CYP2C18: variants seen among roughly 807,000 people sequenced by gnomAD.
CYP2C18 encodes cytochrome P450 2C18.
CYP2C18 carries 38 observed loss-of-function variants against 41.3 expected under a neutral mutation model. The observed-to-expected ratio is 0.92, with a 90% CI of 0.71 to 1.21. CYP2C18 has a LOEUF of 1.21. CYP2C18 is among the 50% of genes most tolerant of loss of function. The pLI is 0.00. For missense variants in CYP2C18, 635 were observed against 591.4 expected (o/e 1.07, Z -0.77); for synonymous variants, 236 against 210.0 (o/e 1.12, Z -1.07).
At chr10:94,688,088 G>T in intron 2 of CYP2C18, 37 bp from the exon 3 acceptor site, 2 of 1,612,838 alleles carry the variant, frequency 1.2e-6, no homozygotes, top group South Asian at 1.1e-5. Flanking sequence ...TCCTTGTTTG[G>T]ATTCTCCCTC....
At chr10:94,721,997 A>T (rs998441736) in intron 6 of CYP2C18, among the ~76,000 whole-genome samples, 1 of 152,148 alleles carries the variant, frequency 6.6e-6, no homozygotes, top group African/African-American at 2.4e-5. Flanking sequence ...CGATAAAATG[A>T]TTTCTTTTAT....
At chr10:94,714,478 A>G (rs185395619) in intron 5 of CYP2C18, among the ~76,000 whole-genome samples, 191 of 152,350 alleles carry the variant, frequency 1.3e-3, no homozygotes, top group Non-Finnish European at 2.1e-3. Flanking sequence ...GTCAAAGATC[A>G]GATGGTTGTA....
intron 7 of CYP2C18, among the ~76,000 whole-genome samples, chr10:94,727,053 A>G (rs1847754262): frequency 6.6e-6 from 1 of 152,098 alleles, no homozygotes; most frequent in Non-Finnish European, 1.5e-5. Context: ...TGAATTTAAA[A>G]TTTTATTTAC....
At chr10:94,696,505 G>A (rs1847119123) in intron 4 of CYP2C18, among the ~76,000 whole-genome samples, 1 of 152,006 alleles carries the variant, frequency 6.6e-6, no homozygotes, top group Admixed American at 6.6e-5. Flanking sequence ...AAGACCAAAG[G>A]TAGATAAAAC....
intron 3 of CYP2C18, among the ~76,000 whole-genome samples, chr10:94,693,713 G>A (rs764967967): frequency 2.0e-5 from 3 of 152,106 alleles, no homozygotes; most frequent in Admixed American, 6.6e-5. Context: ...AAGAAGCCTG[G>A]CATAGGAGCA....
intron 4 of CYP2C18, among the ~76,000 whole-genome samples, chr10:94,705,123 C>T (rs1847318156): frequency 6.6e-6 from 1 of 152,016 alleles, no homozygotes; most frequent in Admixed American, 6.6e-5. Context: ...GGAGGTGGTA[C>T]AAGTGCAAAT....
At chr10:94,713,889 G>A (rs907968261) in intron 5 of CYP2C18, among the ~76,000 whole-genome samples, 12 of 152,168 alleles carry the variant, frequency 7.9e-5, no homozygotes, top group African/African-American at 2.4e-4. Context: ...GTGTGAGATG[G>A]TATCTCATTG....
chr10:94,721,473 T>C (rs537522085), intron 6 of CYP2C18, among the ~76,000 whole-genome samples: 1 of 152,266 alleles, frequency 6.6e-6, no homozygotes, highest in East Asian at 1.9e-4. Context: ...ATTTCTATTT[T>C]TATAGACTTA....
chr10:94,712,728 G>A (rs1393765750), intron 5 of CYP2C18, among the ~76,000 whole-genome samples: 1 of 152,120 alleles, frequency 6.6e-6, no homozygotes, highest in Non-Finnish European at 1.5e-5. Context: ...ACTGGATCAT[G>A]TTGTAATTCT....
chr10:94,687,870 A>G lies in CYP2C18; in HGVS notation c.269A>G (p.His90Arg). The change falls in exon 2 of 9, where the codon CAT (histidine) becomes CGT (arginine). Residue 90 changes from histidine to arginine, a missense_variant. His to Arg is a conservative substitution (Grantham distance 29). Coordinates refer to ENST00000285979, the MANE Select transcript of CYP2C18 (RefSeq NM_000772.3). ...GCAGTGAAGGAGGCCCTGATTGATC[A>G]TGGAGAGGAGTTTTCTGGAAGAGGA... ...YEAVKEALID[H>R]GEEFSGRGSF... 2 of 1,613,854 alleles carry G rather than the reference A, an allele frequency of 1.2e-6. No individual in the cohort carries two copies. Among genetic ancestry groups the G allele is most frequent in the Non-Finnish European group, 1.7e-6 (2 of 1,179,808 alleles).
intron 8 of CYP2C18, chr10:94,733,666 A>C: frequency 2.2e-6 from 2 of 906,464 alleles, no homozygotes; most frequent in Non-Finnish European, 2.6e-6. Context: ...AAAAGCTAGA[A>C]TGTAGGTTAA....
chr10:94,722,121 G>T (rs1847656853), intron 6 of CYP2C18, among the ~76,000 whole-genome samples: 1 of 152,114 alleles, frequency 6.6e-6, no homozygotes, highest in Non-Finnish European at 1.5e-5. Context: ...AATGTCATGA[G>T]ATAGCCTGAG....
intron 4 of CYP2C18, among the ~76,000 whole-genome samples, chr10:94,699,785 G>C (rs1027998414): frequency 1.3e-5 from 2 of 152,270 alleles, no homozygotes; most frequent in South Asian, 4.1e-4. Context: ...AAGGTCTCAG[G>C]ATACAAAATA....
chr10:94,693,226 G>C (rs901402283), intron 3 of CYP2C18, among the ~76,000 whole-genome samples: 1 of 152,152 alleles, frequency 6.6e-6, no homozygotes, highest in South Asian at 2.1e-4. Context: ...GATCATGGGG[G>C]TGGATTTTTC....
chr10:94,733,345 G>A lies in CYP2C18; in HGVS notation c.1198G>A (p.Glu400Lys). The A allele has an allele frequency of 6.2e-7, 1 of 1,613,424 alleles. No individual in the cohort carries two copies. Among genetic ancestry groups the A allele is most frequent in the Non-Finnish European group, 8.5e-7 (1 of 1,179,564 alleles). The change falls in exon 8 of 9, where the codon GAA (glutamate) becomes AAA (lysine). Residue 400 changes from glutamate to lysine, a missense_variant. Glu to Lys is a moderately conservative substitution (Grantham distance 56). Coordinates refer to ENST00000285979, the MANE Select transcript of CYP2C18 (RefSeq NM_000772.3). ...GACTTCTGTGCTGCACAATGACAAA[G>A]AATTCCCCAACCCAGAGATGTTTGA... Reference protein sequence around the residue: ...SLTSVLHNDKEFPNPEMFDPG... With the variant: ...SLTSVLHNDKKFPNPEMFDPG...
chr10:94,687,916 A>G lies in CYP2C18; in HGVS notation c.315A>G (p.Lys105=). ...GAGGAAGTTTTCCAGTGGCTGAAAA[A>G]GTTAACAAAGGACTTGGTAAATGTG... ...SGRGSFPVAE[K]VNKGLGILFS... is the part of the protein sequence containing the mutation. Residue 105 remains lysine, a synonymous_variant, in exon 2 of 9, where the codon AAA becomes AAG. Transcript: ENST00000285979. 1.2e-6 allele frequency: 2 copies of G among 1,613,726 alleles called. No homozygotes were observed. Among genetic ancestry groups the G allele is most frequent in the South Asian group, 2.2e-5 (2 of 91,062 alleles).
rs201110913 is a variant in CYP2C18 at position 94,683,805 on chromosome 10, G to A, written c.-15G>A. The stretch of plus-strand genomic sequence containing the variant: ...TGAAAGCCCGCAGTTGTCTTACTAA[G>A]AAGAGAAGCCTTCAATGGATCCAGC... On this transcript the variant is annotated 5_prime_UTR_variant, in exon 1 of 9. Coordinates refer to ENST00000285979, the MANE Select transcript of CYP2C18 (RefSeq NM_000772.3). 35 of 1,575,142 alleles carry A rather than the reference G, an allele frequency of 2.2e-5. No homozygotes were observed. In the East Asian group the frequency reaches 8.0e-4, roughly 36 times the overall value.
At chr10:94,728,560 G>C (rs1306515668) in intron 7 of CYP2C18, 1 of 740,222 alleles carries the variant, frequency 1.4e-6, no homozygotes, top group East Asian at 1.3e-4. Flanking sequence ...TTTTAGGTTG[G>C]ATTCATCTCT....
intron 5 of CYP2C18, among the ~76,000 whole-genome samples, chr10:94,713,827 C>T (rs1847490692): frequency 6.6e-6 from 1 of 152,328 alleles, no homozygotes; most frequent in South Asian, 2.1e-4. Flanking sequence ...TATTTCTCCA[C>T]ATCCTCTCCA....
Sources: gnomAD v4.1 joint callset for allele counts (sites outside exome capture counted in the v4.1 genomes callset) on GRCh38, gnomAD v4.1.1 for gene constraint, MANE v1.5 for transcripts, NCBI Gene and HGNC (gene_info 2026-07-23, HGNC 2026-07-21) for gene names.